The following FCRL5 variants were observed in gnomAD, a reference collection of about 807,000 sequenced individuals.
FCRL5 encodes the protein Fc receptor like 5, also known as Fc receptor-like protein 5.
Under a neutral mutation model 92.1 loss-of-function variants are expected in FCRL5, and 79 were observed. That is an observed-to-expected ratio of 0.86 (90% CI 0.72 to 1.03). The LOEUF is 1.03. FCRL5 is among the 50% of genes least tolerant of loss of function. FCRL5 has a pLI of 0.00. For missense variants in FCRL5, 1,160 were observed against 1,181.1 expected (o/e 0.98, Z 0.26); for synonymous variants, 466 against 469.3 (o/e 0.99, Z 0.09).
chr1:157,521,200 C>T lies in FCRL5; in HGVS notation c.2332G>A (p.Gly778Ser), dbSNP rs751211019. Residue 778 changes from glycine to serine, a missense_variant, in exon 11 of 17, where the codon GGC becomes AGC. By Grantham distance (56) the Gly-to-Ser change is moderately conservative. Transcript: ENST00000361835. ...AACCGGTACAGGATCAGGGGAGAGC[C>T]TCTCAGGGCCTCACAGTGAAGCTCC... ...LLELHCEALRGSPLILYRFFH... is the reference protein window; with the variant it reads ...LLELHCEALRSSPLILYRFFH... The T allele has an allele frequency of 6.2e-7, 1 of 1,614,148 alleles. No homozygotes were observed. The highest frequency in any genetic ancestry group is 8.5e-7 in the Non-Finnish European group (1 of 1,180,032).
intron 2 of FCRL5, among the ~76,000 whole-genome samples, chr1:157,548,700 G>A (rs2101651078): frequency 6.6e-6 from 1 of 152,278 alleles, no homozygotes; most frequent in African/African-American, 2.4e-5. Context: ...ATCATCACTG[G>A]CCATCAGAGA....
At chr1:157,523,891 G>T in intron 10 of FCRL5, 1 of 285,954 alleles carries the variant, frequency 3.5e-6, no homozygotes, top group Admixed American at 4.7e-5. Context: ...AAGAGTAGAG[G>T]CTTGTTAGAA....
chr1:157,547,264 C>A (rs1386085460), intron 2 of FCRL5, 67 bp from the exon 3 acceptor site: 1 of 1,587,708 alleles, frequency 6.3e-7, no homozygotes, highest in Non-Finnish European at 8.6e-7. Context: ...GGGCCTCCTG[C>A]TGCATAGCCT....
At chr1:157,522,310 A>G (rs1408370010) in intron 10 of FCRL5, 1 of 152,232 alleles carries the variant, frequency 6.6e-6, no homozygotes, top group Non-Finnish European at 1.5e-5. Context: ...AATTACTAAA[A>G]ACTAAAATGT....
At position 157,542,870 on chromosome 1, in the gene FCRL5, A is replaced by G; in HGVS notation, c.1112T>C (p.Leu371Pro). Residue 371 changes from leucine to proline, a missense_variant, in exon 6 of 17, where the codon CTC becomes CCC. By Grantham distance (98) the Leu-to-Pro change is moderately conservative. Coordinates refer to ENST00000361835, the MANE Select transcript of FCRL5 (RefSeq NM_031281.3). ...AATGCAGGGCTTACCAGTGACTGAG[A>G]GGCTCACAGCCTTACTGGGCTTGGC... Reference protein sequence around the residue: ...LGAKPSKAVSLSVTVPVSHPV... With the variant: ...LGAKPSKAVSPSVTVPVSHPV... 1.2e-6 allele frequency: 2 copies of G among 1,611,950 alleles called. No individual in the cohort carries two copies. The highest frequency in any genetic ancestry group is 1.7e-6 in the Non-Finnish European group (2 of 1,179,098).
intron 15 of FCRL5, chr1:157,516,125 C>G (rs1649922103): frequency 3.4e-6 from 2 of 592,796 alleles, no homozygotes; most frequent in Non-Finnish European, 6.0e-6. Context: ...TAGAGGCCCT[C>G]AAGAGAAAGT....
Sources: allele counts gnomAD v4.1 joint callset (sites outside exome capture counted in the v4.1 genomes callset), GRCh38; gene constraint gnomAD v4.1.1; transcripts MANE v1.5; gene names NCBI Gene and HGNC (gene_info 2026-07-23, HGNC 2026-07-21).